Variants in FAF1 observed in about 807,000 individuals in gnomAD.
The protein encoded by FAF1 is FAS-associated factor 1.
In FAF1, 25 loss-of-function variants were observed where a neutral mutation model predicts 92.5. That is an observed-to-expected ratio of 0.27 (90% CI 0.20 to 0.38). The LOEUF (loss-of-function observed/expected upper bound fraction) is 0.38. Ranked by LOEUF, FAF1 falls within the 10% of genes least tolerant of loss-of-function variation. The pLI, the probability that FAF1 is intolerant of heterozygous loss-of-function variation, is 1.00. For missense variants in FAF1, 636 were observed against 793.3 expected (o/e 0.80, Z 2.38); for synonymous variants, 234 against 273.2 (o/e 0.86, Z 1.42).
intron 3 of FAF1, among the ~76,000 whole-genome samples, chr1:50,793,713 C>T (rs1338073062): frequency 6.6e-6 from 1 of 152,156 alleles, no homozygotes; most frequent in Non-Finnish European, 1.5e-5. Flanking sequence ...TCATTGTCTT[C>T]CTAAAGATTA....
intron 2 of FAF1, among the ~76,000 whole-genome samples, chr1:50,819,513 G>C (rs1030982141): frequency 6.7e-6 from 1 of 149,034 alleles, no homozygotes; most frequent in Non-Finnish European, 1.5e-5. Context: ...TGTAATCCCA[G>C]CTACTTGAAA....
intron 12 of FAF1, among the ~76,000 whole-genome samples, chr1:50,570,569 G>A (rs541695067): frequency 1.3e-5 from 2 of 152,280 alleles, no homozygotes; most frequent in South Asian, 2.1e-4. Flanking sequence ...CTGAATGTGA[G>A]AAAGGAGATG....
At chr1:50,655,635 C>A in intron 7 of FAF1, 107 bp from the exon 8 acceptor site, 1 of 666,810 alleles carries the variant, frequency 1.5e-6, no homozygotes, top group East Asian at 3.2e-5. Context: ...CTTCTAGATT[C>A]AAAACAAGAA....
intron 2 of FAF1, among the ~76,000 whole-genome samples, chr1:50,834,068 T>G (rs1644178959): frequency 6.6e-6 from 1 of 152,200 alleles, no homozygotes; most frequent in African/African-American, 2.4e-5. Flanking sequence ...TCGGGCGGAT[T>G]TCCCCCTTGC....
intron 4 of FAF1, among the ~76,000 whole-genome samples, chr1:50,749,357 G>A (rs1659754409): frequency 6.6e-6 from 1 of 152,094 alleles, no homozygotes; most frequent in South Asian, 2.1e-4. Flanking sequence ...AACAAGAAGG[G>A]ACTTTAACTT....
At chr1:50,689,395 T>C (rs1340425011) in intron 7 of FAF1, among the ~76,000 whole-genome samples, 1 of 152,034 alleles carries the variant, frequency 6.6e-6, no homozygotes, top group African/African-American at 2.4e-5. Context: ...CCATCCTCGC[T>C]AACACAGTGA....
At chr1:50,915,516 A>G (rs17106375) in intron 1 of FAF1, among the ~76,000 whole-genome samples, 8,401 of 152,270 alleles carry the variant, frequency 0.055, 311 homozygotes, top group African/African-American at 0.1. Flanking sequence ...CTAACTGTTT[A>G]CAGAGATGAT....
intron 3 of FAF1, among the ~76,000 whole-genome samples, chr1:50,790,266 T>A (rs1661514562): frequency 6.6e-6 from 1 of 152,052 alleles, no homozygotes. Flanking sequence ...CTCAGCCTCC[T>A]GAGTAGCTGG....
At chr1:50,944,830 A>G (rs1445611844) in intron 1 of FAF1, among the ~76,000 whole-genome samples, 4 of 152,222 alleles carry the variant, frequency 2.6e-5, no homozygotes, top group Admixed American at 2.6e-4. Context: ...GTAAAAAGAA[A>G]CATCATGCCT....
intron 8 of FAF1, among the ~76,000 whole-genome samples, chr1:50,639,673 C>T (rs969086572): frequency 5.3e-5 from 8 of 151,984 alleles, no homozygotes; most frequent in South Asian, 4.1e-4. Flanking sequence ...CGGTGGCTAA[C>T]GCCTGTAATC....
chr1:50,695,825 T>C (rs1657181768), intron 7 of FAF1, among the ~76,000 whole-genome samples: 1 of 152,106 alleles, frequency 6.6e-6, no homozygotes, highest in Non-Finnish European at 1.5e-5. Flanking sequence ...ATTTTTGTAC[T>C]TTTAGTAGAG....
intron 8 of FAF1, among the ~76,000 whole-genome samples, chr1:50,600,434 A>G (rs1408852880): frequency 2.0e-5 from 3 of 152,196 alleles, no homozygotes; most frequent in Admixed American, 2.0e-4. Context: ...ACAAAGTATT[A>G]ATACAAAATG....
chr1:50,779,123 GT>G (rs1202095848), intron 4 of FAF1, among the ~76,000 whole-genome samples: 3 of 152,234 alleles, frequency 2.0e-5, no homozygotes, highest in Non-Finnish European at 2.9e-5. Flanking sequence ...TTCCATCCAA[GT>G]TTTATGAGAC....
At chr1:50,763,065 G>T (rs1389673848) in intron 4 of FAF1, among the ~76,000 whole-genome samples, 1 of 152,106 alleles carries the variant, frequency 6.6e-6, no homozygotes, top group African/African-American at 2.4e-5. Context: ...GACCAGCCTA[G>T]CCAACATACT....
chr1:50,847,503 A>G (rs1644312292), intron 2 of FAF1, among the ~76,000 whole-genome samples: 1 of 152,082 alleles, frequency 6.6e-6, no homozygotes, highest in Admixed American at 6.5e-5. Flanking sequence ...AGGAAAGAAT[A>G]AGTGAAATTG....
intron 1 of FAF1, among the ~76,000 whole-genome samples, chr1:50,936,531 T>C (rs1645086608): frequency 6.6e-6 from 1 of 152,082 alleles, no homozygotes; most frequent in Non-Finnish European, 1.5e-5. Context: ...ATCAAAGTAT[T>C]ACTACAGCAG....
At chr1:50,771,425 AAAAC>A (rs1460625484) in intron 4 of FAF1, among the ~76,000 whole-genome samples, 2 of 152,192 alleles carry the variant, frequency 1.3e-5, no homozygotes, top group Non-Finnish European at 2.9e-5. Context: ...TAATGAGCAA[AAAAC>A]AAACAACCCC....
intron 18 of FAF1, among the ~76,000 whole-genome samples, chr1:50,466,674 T>C (rs1197898284): frequency 6.6e-6 from 1 of 152,222 alleles, no homozygotes; most frequent in Non-Finnish European, 1.5e-5. Context: ...ATGATAATAA[T>C]GGATGACTAC....
chr1:50,892,108 T>C (rs1234844298), intron 1 of FAF1, among the ~76,000 whole-genome samples: 1 of 152,188 alleles, frequency 6.6e-6, no homozygotes, highest in Non-Finnish European at 1.5e-5. Context: ...AATTTCAGAC[T>C]GCTGTGCTAG....
Sources: gnomAD v4.1 joint callset for allele counts (sites outside exome capture counted in the v4.1 genomes callset) on GRCh38, gnomAD v4.1.1 for gene constraint, MANE v1.5 for transcripts, NCBI Gene and HGNC (gene_info 2026-07-23, HGNC 2026-07-21) for gene names.